Variants in RANBP9 observed in about 807,000 individuals in gnomAD.
The protein encoded by RANBP9 is ran-binding protein 9.
A neutral mutation model predicts 84.3 loss-of-function variants in RANBP9; 15 were observed. The observed-to-expected ratio is 0.18, with a 90% confidence interval of 0.12 to 0.27. The LOEUF (loss-of-function observed/expected upper bound fraction) is 0.27, where lower values mean the gene tolerates loss of function less well. RANBP9 is among the 10% of genes least tolerant of loss of function. RANBP9 has a pLI of 1.00. For synonymous variants in RANBP9, 392 were observed against 349.6 expected (o/e 1.12, Z -1.35); for missense variants, 809 against 912.8 (o/e 0.89, Z 1.46).
chr6:13,700,907 C>A (rs891777662), intron 1 of RANBP9, among the ~76,000 whole-genome samples: 1 of 152,174 alleles, frequency 6.6e-6, no homozygotes, highest in Non-Finnish European at 1.5e-5. Flanking sequence ...TTATAGTTTG[C>A]ATAAGTCCTG....
At position 13,711,314 on chromosome 6, in the gene RANBP9, C is replaced by A. The variant is rs1758275547; in HGVS notation, c.192G>T (p.Ala64=). The change falls in exon 1 of 14, where the codon GCG becomes GCT. Residue 64 remains alanine (A), a synonymous_variant. Transcript: ENST00000011619. ...GAGGEGLGAA[A]AALLLHPPPP... is the part of the protein sequence containing the mutation. ...GCGGAGGGTGGAGGAGCAGGGCGGCCGCCGCGGCCCCTAAGCCTTCGCCGC... is the reference window on the plus strand; with the variant it reads ...GCGGAGGGTGGAGGAGCAGGGCGGCAGCCGCGGCCCCTAAGCCTTCGCCGC... The A allele has an allele frequency of 9.4e-7, 1 of 1,068,634 alleles. No individual in the cohort carries two copies. The highest frequency in any genetic ancestry group is 1.1e-6 in the Non-Finnish European group (1 of 885,564). 66.2% of individuals were successfully genotyped at this position (1,068,634 alleles called of 1,614,324 possible).
rs1757840261 is a variant in RANBP9, at chr6:13,696,772, A to T, written c.683+13T>A. ...AAACTAGCAAACGATTTTTCTCACCAAAATTTACTTACCCATCTCTTCCCT... is the reference window on the plus strand; with the variant it reads ...AAACTAGCAAACGATTTTTCTCACCTAAATTTACTTACCCATCTCTTCCCT... On this transcript the variant is annotated intron_variant, in intron 2 of 13. Coordinates refer to ENST00000011619, the MANE Select transcript of RANBP9 (RefSeq NM_005493.3). The T allele has an allele frequency of 6.3e-7, 1 of 1,581,870 alleles. No individual in the cohort carries two copies. Among genetic ancestry groups the T allele is most frequent in the Non-Finnish European group, 8.6e-7 (1 of 1,158,190 alleles).
chr6:13,668,882 C>T (rs540024600), intron 2 of RANBP9, among the ~76,000 whole-genome samples: 1 of 152,060 alleles, frequency 6.6e-6, no homozygotes, highest in South Asian at 2.1e-4. Context: ...AAACTTCTAC[C>T]CTGGGCAAGA....
At chr6:13,698,808 T>C (rs938929595) in intron 1 of RANBP9, among the ~76,000 whole-genome samples, 1 of 152,200 alleles carries the variant, frequency 6.6e-6, no homozygotes, top group East Asian at 1.9e-4. Context: ...AAAGTCATAC[T>C]GCTAAAAGCG....
At chr6:13,659,103 A>C (rs1433106142) in intron 2 of RANBP9, among the ~76,000 whole-genome samples, 1 of 152,146 alleles carries the variant, frequency 6.6e-6, no homozygotes, top group Non-Finnish European at 1.5e-5. Flanking sequence ...GACACCTATA[A>C]AAAATCTCGC....
intron 2 of RANBP9, among the ~76,000 whole-genome samples, chr6:13,690,875 G>C (rs922407688): frequency 6.6e-6 from 1 of 152,058 alleles, no homozygotes; most frequent in African/African-American, 2.4e-5. Flanking sequence ...CCCTAAAGAA[G>C]TTATGCAGGG....
chr6:13,684,261 G>C (rs949111110), intron 2 of RANBP9, among the ~76,000 whole-genome samples: 1 of 152,078 alleles, frequency 6.6e-6, no homozygotes, highest in Non-Finnish European at 1.5e-5. Context: ...GTCTTTCATT[G>C]TTATGCCCTA....
chr6:13,674,083 C>CAAAAA (rs35496559), intron 2 of RANBP9, among the ~76,000 whole-genome samples: 1 of 94,578 alleles, frequency 1.1e-5, no homozygotes, highest in Non-Finnish European at 2.2e-5. Context: ...GACCTTGTCT[C>CAAAAA]AAAAAAAAAA....
At chr6:13,640,974 A>C (rs1315261991) in intron 8 of RANBP9, among the ~76,000 whole-genome samples, 7 of 152,192 alleles carry the variant, frequency 4.6e-5, no homozygotes, top group African/African-American at 1.7e-4. Flanking sequence ...TAAACACATA[A>C]ATAGAATAAT....
chr6:13,707,460 A>G (rs556435694), intron 1 of RANBP9, among the ~76,000 whole-genome samples: 114 of 152,306 alleles, frequency 7.5e-4, no homozygotes, highest in African/African-American at 2.7e-3. Flanking sequence ...CCCCAGAGTA[A>G]GTATTTTCAA....
At chr6:13,670,758 C>G (rs1765759670) in intron 2 of RANBP9, among the ~76,000 whole-genome samples, 1 of 148,922 alleles carries the variant, frequency 6.7e-6, no homozygotes, top group Non-Finnish European at 1.5e-5. Context: ...CAAGATCATA[C>G]CACTGCACTC....
At chr6:13,689,526 G>A (rs574883031) in intron 2 of RANBP9, among the ~76,000 whole-genome samples, 39 of 152,078 alleles carry the variant, frequency 2.6e-4, no homozygotes, top group Non-Finnish European at 4.7e-4. Flanking sequence ...CACCCGCTTC[G>A]GGCTCTCTAA....
intron 4 of RANBP9, 102 bp downstream of exon 4, chr6:13,657,007 T>C: frequency 9.3e-7 from 1 of 1,079,646 alleles, no homozygotes; most frequent in East Asian, 2.6e-5. Context: ...TCCAGAGGCA[T>C]CCATCTATAA....
chr6:13,666,669 G>A (rs11962712), intron 2 of RANBP9, among the ~76,000 whole-genome samples: 12 of 148,630 alleles, frequency 8.1e-5, no homozygotes, highest in Admixed American at 3.4e-4. Context: ...CCAGCTACTC[G>A]GGAGGATCAC....
chr6:13,695,420 T>C, intron 2 of RANBP9, among the ~76,000 whole-genome samples: 1 of 151,120 alleles, frequency 6.6e-6, no homozygotes, highest in South Asian at 2.1e-4. Context: ...TTTTTTTTTT[T>C]TTTTTCAGAA....
At chr6:13,646,688 A>T (rs1395500167) in intron 5 of RANBP9, among the ~76,000 whole-genome samples, 1 of 152,214 alleles carries the variant, frequency 6.6e-6, no homozygotes, top group Non-Finnish European at 1.5e-5. Flanking sequence ...AAACTATTTC[A>T]TAAAAATTTA....
intron 5 of RANBP9, among the ~76,000 whole-genome samples, chr6:13,649,407 C>A (rs899841216): frequency 1.4e-5 from 2 of 141,304 alleles, no homozygotes; most frequent in Non-Finnish European, 3.0e-5. Context: ...AACAAGAAAA[C>A]GAAAGCTAAC....
At chr6:13,659,188 A>C (rs1466019946) in intron 2 of RANBP9, among the ~76,000 whole-genome samples, 2 of 151,968 alleles carry the variant, frequency 1.3e-5, no homozygotes, top group Non-Finnish European at 2.9e-5. Context: ...AGAAGGAAAA[A>C]AAATGTTAAG....
At chr6:13,666,129 C>T (rs898317040) in intron 2 of RANBP9, among the ~76,000 whole-genome samples, 5 of 152,044 alleles carry the variant, frequency 3.3e-5, no homozygotes, top group Admixed American at 2.6e-4. Context: ...CTGTACCACA[C>T]ACACACACAC....
Sources: allele counts gnomAD v4.1 joint callset (sites outside exome capture counted in the v4.1 genomes callset), GRCh38; gene constraint gnomAD v4.1.1; transcripts MANE v1.5; gene names NCBI Gene and HGNC (gene_info 2026-07-23, HGNC 2026-07-21).